Variants in TBX3 observed in about 807,000 individuals in gnomAD.
TBX3 encodes the protein T-box transcription factor TBX3.
TBX3 carries 11 observed loss-of-function variants against 47.8 expected under a neutral mutation model. That is an observed-to-expected ratio of 0.23 (90% CI 0.14 to 0.38). The LOEUF (loss-of-function observed/expected upper bound fraction) is 0.38. Ranked by LOEUF, TBX3 falls within the 10% of genes least tolerant of loss-of-function variation. The probability of loss-of-function intolerance (pLI) is 1.00; values close to 1 mark genes in which losing one functional copy is unlikely to be tolerated. For missense variants in TBX3, 927 were observed against 1,022.8 expected (o/e 0.91, Z 1.28); for synonymous variants, 500 against 449.3 (o/e 1.11, Z -1.43).
chr12:114,672,432 TTGTG>T (rs1484015991), intron 6 of TBX3, 130 bp from the exon 7 acceptor site: 5 of 508,622 alleles, frequency 9.8e-6, no homozygotes, highest in South Asian at 3.6e-5. Flanking sequence ...GTTGTTGTTG[TTGTG>T]TTTTTTTTTT....
At chr12:114,675,281 CAGAG>C (rs1232146657) in intron 5 of TBX3, among the ~76,000 whole-genome samples, 4 of 152,146 alleles carry the variant, frequency 2.6e-5, no homozygotes, top group Non-Finnish European at 1.5e-5. Context: ...CAGTGAATGA[CAGAG>C]AGCAGCACCT....
intron 2 of TBX3, 136 bp downstream of exon 2, chr12:114,680,743 T>C (rs1241668373): frequency 7.6e-7 from 1 of 1,309,302 alleles, no homozygotes; most frequent in African/African-American, 1.5e-5. Context: ...GAATCCTTTT[T>C]CCAGACGAGG....
rs1176333215 is a variant in TBX3 at position 114,674,159 on chromosome 12, C to G, written c.1710+6G>C. The stretch of plus-strand genomic sequence containing the variant: ...GACTGGTGGAGGCAGGAAGAAGGAT[C>G]CATACCTGAGAGGCCAGGACGTGCT... On this transcript the variant is annotated splice_donor_region_variant and intron_variant, in intron 6 of 6. Transcript: ENST00000349155. 3.2e-6 allele frequency: 5 copies of G among 1,580,358 alleles called. No homozygotes were observed. Among genetic ancestry groups the G allele is most frequent in the Non-Finnish European group, 4.3e-6 (5 of 1,165,062 alleles).
Position 114,671,740 on chromosome 12 carries a change from G to C in TBX3, c.*101C>G. On this transcript the variant is annotated 3_prime_UTR_variant, in exon 7 of 7. Coordinates refer to ENST00000349155, the MANE Select transcript of TBX3 (RefSeq NM_005996.4). ...CCCTTCCCAGACGCAACTGCAAAAG[G>C]AAGGGCTAACGCCATGGCGGGCCCG... The C allele has an allele frequency of 6.8e-7, 1 of 1,469,308 alleles. No individual in the cohort carries two copies. Among genetic ancestry groups the C allele is most frequent in the South Asian group, 1.2e-5 (1 of 81,660 alleles). The allele number at this position is 1,469,308 out of a possible 1,614,324, so 91.0% of individuals were successfully genotyped here.
At chr12:114,676,198 T>C (rs2121388356) in intron 5 of TBX3, 115 bp downstream of exon 5, 1 of 1,369,308 alleles carries the variant, frequency 7.3e-7, no homozygotes, top group African/African-American at 1.4e-5. Context: ...TAAGGATGTT[T>C]AGAAGGCTTC....
chr12:114,682,726 C>T (rs912932266), intron 1 of TBX3, 86 bp downstream of exon 1: 1 of 1,602,786 alleles, frequency 6.2e-7, no homozygotes, highest in Non-Finnish European at 8.5e-7. Context: ...CCGTAATAAC[C>T]GACCAACCGA....
chr12:114,672,358 A>C (rs2121378299), intron 6 of TBX3, 56 bp from the exon 7 acceptor site: 10 of 1,368,016 alleles, frequency 7.3e-6, no homozygotes, highest in Non-Finnish European at 9.8e-6. Context: ...AGCTTATCTC[A>C]TCCCTCTCCT....
chr12:114,674,476 C>A lies in TBX3; in HGVS notation c.1399G>T (p.Asp467Tyr). The change falls in exon 6 of 7, where the codon GAC becomes TAC. Residue 467 changes from aspartate (D) to tyrosine (Y), a missense_variant. Around this residue, in one of 5 missense-constraint regions of TBX3, gnomAD observed 623 missense variants for 569.0 expected, o/e 1.09. Transcript: ENST00000349155. Reference protein sequence around the residue: ...EAFAPLTVQTDAAAAHLAQGP... With the variant: ...EAFAPLTVQTYAAAAHLAQGP... ...TGGGCCAGGTGCGCGGCGGCCGCGTCCGTCTGCACCGTGAGCGGCGCGAAG... is the reference window on the plus strand; with the variant it reads ...TGGGCCAGGTGCGCGGCGGCCGCGTACGTCTGCACCGTGAGCGGCGCGAAG... 1 of 1,527,798 alleles carries A rather than the reference C, an allele frequency of 6.5e-7. No individual in the cohort carries two copies. Among genetic ancestry groups the A allele is most frequent in the Non-Finnish European group, 8.8e-7 (1 of 1,139,392 alleles). 94.6% of individuals were successfully genotyped at this position (1,527,798 alleles called of 1,614,324 possible). A position where few individuals can be genotyped will look rare whatever the true frequency, so the allele number is the denominator to read the frequency against.
At chr12:114,682,759 A>C in intron 1 of TBX3, 53 bp downstream of exon 1, 1 of 1,613,622 alleles carries the variant, frequency 6.2e-7, no homozygotes, top group Non-Finnish European at 8.5e-7. Flanking sequence ...CAGAGAAATA[A>C]AGGGAGGAAA....
At chr12:114,679,806 C>T in intron 2 of TBX3, 155 bp from the exon 3 acceptor site, 1 of 1,537,394 alleles carries the variant, frequency 6.5e-7, no homozygotes. Flanking sequence ...GTACGTTTCG[C>T]TCCACAGATG....
Position 114,683,391 on chromosome 12 carries a change from CTT to C in TBX3, c.-193_-192del. On this transcript the variant is annotated 5_prime_UTR_variant, in exon 1 of 7. Coordinates refer to ENST00000349155, the MANE Select transcript of TBX3 (RefSeq NM_005996.4). The surrounding 1 kb of genome is among the most constrained non-coding windows in gnomAD (Gnocchi z 7.7). ...ACTTCAAAGGGAGGAGGGGAAGTGT[CTT>C]TTGGAGAATGGGAGGCCGCTTTTAA... The C allele has an allele frequency of 1.3e-6, 1 of 759,122 alleles. No individual in the cohort carries two copies. Among genetic ancestry groups the C allele is most frequent in the Non-Finnish European group, 2.0e-6 (1 of 491,354 alleles). The allele number at this position is 759,122 out of a possible 1,614,324, so 47.0% of individuals were successfully genotyped here.
rs1247393153 is a variant in TBX3, at chr12:114,671,916, G to A, written c.2097C>T (p.Ser699=). The A allele has an allele frequency of 1.9e-6, 3 of 1,585,152 alleles. No individual in the cohort carries two copies. Among genetic ancestry groups the A allele is most frequent in the Non-Finnish European group, 1.7e-6 (2 of 1,165,852 alleles). ...CCAACCGCTGGATGCTCTGCAGTTC[G>A]CTGGTGGCCGCCTCTTTCTCCGCGC... ...KLCAEKEAAT[S]ELQSIQRLVS... is the part of the protein sequence containing the mutation. The change falls in exon 7 of 7, where the codon AGC becomes AGT. Residue 699 remains serine (S), a synonymous_variant. Coordinates refer to ENST00000349155, the MANE Select transcript of TBX3 (RefSeq NM_005996.4).
Position 114,670,617 on chromosome 12 carries a change from A to G in TBX3, c.*1224T>C, listed in dbSNP as rs141045947. Reference sequence around the variant, plus strand: ...ATTTGAAGTGGAGCTGGAAAGTGGCACTCCTTCCCCAATTTTGGTGAAAAT... The same window carrying G: ...ATTTGAAGTGGAGCTGGAAAGTGGCGCTCCTTCCCCAATTTTGGTGAAAAT... On this transcript the variant is annotated 3_prime_UTR_variant, in exon 7 of 7. Transcript: ENST00000349155. 682 of 217,674 alleles carry G rather than the reference A, an allele frequency of 3.1e-3. 4 individuals carry two copies. Among genetic ancestry groups the G allele is most frequent in the Middle Eastern group, 7.2e-3 (5 of 694 alleles). The allele number at this position is 217,674 out of a possible 1,614,324, so 13.5% of individuals were successfully genotyped here. A position where few individuals can be genotyped will look rare whatever the true frequency, so the allele number is the denominator to read the frequency against.
rs1452327759 is a variant in TBX3 at position 114,671,788 on chromosome 12, A to C, written c.*53T>G. ...CCGTGGTTTATTTTATATCCGACAA[A>C]GTGCACGGCAGCCTGAACTGGACTG... On this transcript the variant is annotated 3_prime_UTR_variant, in exon 7 of 7. Transcript: ENST00000349155. 1.9e-6 allele frequency: 3 copies of C among 1,544,430 alleles called. No homozygotes were observed. The highest frequency in any genetic ancestry group is 2.6e-6 in the Non-Finnish European group (3 of 1,143,108).
chr12:114,681,412 A>C (rs1868920044), intron 1 of TBX3, among the ~76,000 whole-genome samples: 2 of 152,190 alleles, frequency 1.3e-5, no homozygotes, highest in African/African-American at 4.8e-5. Context: ...TACATTGTCT[A>C]ACAATTTCTT....
At chr12:114,678,864 G>A (rs957703151) in intron 3 of TBX3, among the ~76,000 whole-genome samples, 1 of 151,626 alleles carries the variant, frequency 6.6e-6, no homozygotes, top group South Asian at 2.1e-4. Context: ...GCCTGGGGGA[G>A]GGGGGGAATT....
intron 6 of TBX3, among the ~76,000 whole-genome samples, chr12:114,672,803 C>G (rs1416461773): frequency 6.6e-6 from 1 of 152,060 alleles, no homozygotes; most frequent in Non-Finnish European, 1.5e-5. Context: ...CTTCCCCAAC[C>G]CCCATCCTCC....
chr12:114,677,899 TG>T, intron 3 of TBX3, among the ~76,000 whole-genome samples: 1 of 152,276 alleles, frequency 6.6e-6, no homozygotes, highest in South Asian at 2.1e-4. Flanking sequence ...GCCAACAGTT[TG>T]GGTTTAGACA....
At chr12:114,675,455 A>G (rs928110803) in intron 5 of TBX3, among the ~76,000 whole-genome samples, 26 of 152,212 alleles carry the variant, frequency 1.7e-4, no homozygotes, top group African/African-American at 5.8e-4. Flanking sequence ...TGTCGGACAG[A>G]TGGCTCACAG....
Sources: allele counts gnomAD v4.1 joint callset (sites outside exome capture counted in the v4.1 genomes callset), GRCh38; gene constraint gnomAD v4.1.1; regional missense constraint gnomAD v4.1.1; non-coding constraint Gnocchi (gnomAD v3.1); transcripts MANE v1.5; gene names NCBI Gene and HGNC (gene_info 2026-07-23, HGNC 2026-07-21).